The following SBF1 variants were observed in gnomAD, a reference collection of about 807,000 sequenced individuals.
SBF1 encodes myotubularin-related protein 5.
SBF1 carries 65 observed loss-of-function variants against 215.8 expected under a neutral mutation model. The ratio of observed to expected loss-of-function variants is 0.30; its 90% CI spans 0.25 to 0.37. The LOEUF (loss-of-function observed/expected upper bound fraction) is 0.37. SBF1 is among the 10% of genes least tolerant of loss of function. The pLI, the probability that SBF1 is intolerant of heterozygous loss-of-function variation, is 1.00. For synonymous variants in SBF1, 1,410 were observed against 1,122.8 expected (o/e 1.26, Z -5.11); for missense variants, 2,634 against 2,667.8 (o/e 0.99, Z 0.28).
Position 50,455,007 on chromosome 22 carries a change from C to G in SBF1, c.4681+9G>C, listed in dbSNP as rs776884857. On this transcript the variant is annotated intron_variant, in intron 34 of 40. Coordinates refer to ENST00000380817, the MANE Select transcript of SBF1 (RefSeq NM_002972.4). Reference sequence around the variant, plus strand: ...CCCGTGGCTGCCCCAGCCCCGACTCCCCACATACCCAGCTCAATGCGCTCA... The same window carrying G: ...CCCGTGGCTGCCCCAGCCCCGACTCGCCACATACCCAGCTCAATGCGCTCA... The G allele has an allele frequency of 5.6e-6, 9 of 1,614,092 alleles. No individual in the cohort carries two copies. In the Admixed American group the frequency reaches 8.3e-5, roughly 15 times the overall value.
intron 28 of SBF1, 47 bp downstream of exon 28, chr22:50,459,208 C>A: frequency 1.9e-6 from 3 of 1,564,094 alleles, no homozygotes; most frequent in Non-Finnish European, 2.6e-6. Flanking sequence ...GCCACCACGG[C>A]CCCCCAAAGT....
rs376341142 is a variant in SBF1, at chr22:50,446,980, G to A, written c.*162C>T. On this transcript the variant is annotated 3_prime_UTR_variant, in exon 41 of 41. Coordinates refer to ENST00000380817, the MANE Select transcript of SBF1 (RefSeq NM_002972.4). Reference sequence around the variant, plus strand: ...ACGCCAAAATAAGTTAGGGCCGGCCGGGCGGGGCGGGGCGGGGACGGGGGC... The same window carrying A: ...ACGCCAAAATAAGTTAGGGCCGGCCAGGCGGGGCGGGGCGGGGACGGGGGC... 3.3e-5 allele frequency: 24 copies of A among 719,832 alleles called. No individual in the cohort carries two copies. Among genetic ancestry groups the A allele is most frequent in the East Asian group, 1.1e-4 (4 of 36,938 alleles). 44.6% of individuals were successfully genotyped at this position (719,832 alleles called of 1,614,324 possible).
chr22:50,461,564 G>A lies in SBF1; in HGVS notation c.2798C>T (p.Thr933Met), dbSNP rs759317318. Residue 933 changes from threonine to methionine, a missense_variant, in exon 22 of 41, where the codon ACG becomes ATG. Thr to Met is a moderately conservative substitution (Grantham distance 81). Coordinates refer to ENST00000380817, the MANE Select transcript of SBF1 (RefSeq NM_002972.4). ...LPAEGAVFLT[T>M]YRVIFTGMPT... ...CATCCCCGTGAAGATGACCCGGTAC[G>A]TGGTGAGGAAGACGGCGCCCTCAGC... is the stretch of plus-strand genomic sequence containing the variant. 5 of 1,610,356 alleles carry A rather than the reference G, an allele frequency of 3.1e-6. No individual in the cohort carries two copies. The highest frequency in any genetic ancestry group is 2.2e-5 in the South Asian group (2 of 91,010).
At position 50,459,273 on chromosome 22, in the gene SBF1, C is replaced by A. The variant is rs200910134; in HGVS notation, c.3808G>T (p.Ala1270Ser). The A allele has an allele frequency of 1.2e-6, 2 of 1,606,096 alleles. No individual in the cohort carries two copies. The highest frequency in any genetic ancestry group is 1.7e-6 in the Non-Finnish European group (2 of 1,174,260). Residue 1270 changes from alanine to serine, a missense_variant, in exon 28 of 41, where the codon GCC (alanine) becomes TCC (serine). Transcript: ENST00000380817. Reference protein sequence around the residue: ...GRNTLSGFSSAHMGSHVPSPR... With the variant: ...GRNTLSGFSSSHMGSHVPSPR... The stretch of plus-strand genomic sequence containing the variant: ...CCCTCACCGTGACTGCCCATGTGGG[C>A]TGAGGAGAAGCCGCTAAGCGTGTTG...
intron 36 of SBF1, among the ~76,000 whole-genome samples, chr22:50,452,915 CACAGAGATGT>C: frequency 6.6e-6 from 1 of 151,698 alleles, no homozygotes; most frequent in South Asian, 2.1e-4. Context: ...TGAAACACAA[CACAGAGATGT>C]ACAGCTCAAC....
intron 30 of SBF1, 35 bp from the exon 31 acceptor site, chr22:50,456,430 TGAGGCCCCAAGCCCCCTGCC>T: frequency 6.3e-7 from 1 of 1,599,982 alleles, no homozygotes; most frequent in African/African-American, 1.4e-5. Flanking sequence ...GTGAGACACA[TGAGGCCCCAAGCCCCCTGCC>T]GAGCCCCCAC....
chr22:50,462,054 T>A lies in SBF1; in HGVS notation c.2462A>T (p.Asp821Val). 1 of 1,614,188 alleles carries A rather than the reference T, an allele frequency of 6.2e-7. No homozygotes were observed. Among genetic ancestry groups the A allele is most frequent in the Non-Finnish European group, 8.5e-7 (1 of 1,180,044 alleles). Reference protein sequence around the residue: ...ESGFEDAETCDVAGAVVRFIN... With the variant: ...ESGFEDAETCVVAGAVVRFIN... ...GAAGCGGACCACAGCCCCAGCTACG[T>A]CGCAGGTCTCTGCATCCTCGAAGCC... Residue 821 changes from aspartate to valine, a missense_variant, in exon 20 of 41, where the codon GAC becomes GTC. Coordinates refer to ENST00000380817, the MANE Select transcript of SBF1 (RefSeq NM_002972.4).
At position 50,455,492 on chromosome 22, in the gene SBF1, T is replaced by A; in HGVS notation, c.4357A>T (p.Ile1453Phe). The A allele has an allele frequency of 6.2e-7, 1 of 1,609,530 alleles. No individual in the cohort carries two copies. Among genetic ancestry groups the A allele is most frequent in the Non-Finnish European group, 8.5e-7 (1 of 1,178,278 alleles). The part of the protein sequence containing the change: ...VLVGLEDGWD[I>F]TTQVVSLVQL... ...CACGCGCCACACACCTGGGTGGTGA[T>A]GTCCCAGCCATCCTCCAGGCCCACC... The change falls in exon 32 of 41, where the codon ATC becomes TTC. Residue 1453 changes from isoleucine (I) to phenylalanine (F), a missense_variant. Coordinates refer to ENST00000380817, the MANE Select transcript of SBF1 (RefSeq NM_002972.4).
In SBF1 at chr22:50,463,018, T is replaced by C; in HGVS notation, c.1900-80A>G. ...CTCCCACCATGCCCCCACCACCCCA[T>C]AACCACCACAGACCAGCACCTGACA... On this transcript the variant is annotated intron_variant, in intron 16 of 40. Transcript: ENST00000380817. 3 of 1,357,190 alleles carry C rather than the reference T, an allele frequency of 2.2e-6. No individual in the cohort carries two copies. The South Asian group carries it at 3.7e-5, about 17-fold the overall frequency. 84.1% of individuals were successfully genotyped at this position (1,357,190 alleles called of 1,614,324 possible). A position where few individuals can be genotyped will look rare whatever the true frequency, so the allele number is the denominator to read the frequency against.
Position 50,449,625 on chromosome 22 carries a change from AACAC to A in SBF1, c.5044-979_5044-976del, listed in dbSNP as rs59541336. Reference sequence around the variant, plus strand: ...GTGAGATTCTGTCTCAAAACACACAAACACACACACACACACACACACACACACA... The same window carrying A: ...GTGAGATTCTGTCTCAAAACACACAAACACACACACACACACACACACACA... On this transcript the variant is annotated intron_variant, in intron 36 of 40. Coordinates refer to ENST00000380817, the MANE Select transcript of SBF1 (RefSeq NM_002972.4). Among the ~76,000 whole-genome samples the A allele has an allele frequency of 1.5e-3, 225 of 146,954 alleles. 1 individual carries two copies. The highest frequency in any genetic ancestry group is 7.1e-3 in the Middle Eastern group (2 of 282).
chr22:50,458,999 C>T (rs1445873717), intron 28 of SBF1, among the ~76,000 whole-genome samples: 2 of 152,178 alleles, frequency 1.3e-5, no homozygotes, highest in Non-Finnish European at 2.9e-5. Flanking sequence ...CTGCAGCAGA[C>T]GCAGAGGTGG....
chr22:50,468,032 G>A, intron 2 of SBF1, 109 bp from the exon 3 acceptor site: 1 of 1,376,392 alleles, frequency 7.3e-7, no homozygotes, highest in Non-Finnish European at 1.0e-6. Flanking sequence ...ACACACACAG[G>A]CAGCTCCTTG....
chr22:50,471,571 G>T (rs777020852), intron 1 of SBF1, among the ~76,000 whole-genome samples: 1 of 152,134 alleles, frequency 6.6e-6, no homozygotes, highest in Admixed American at 6.5e-5. Context: ...AGAAAAGAAG[G>T]AAGGACAGCA....
rs777513305 is a variant in SBF1, at chr22:50,447,600, C to T, written c.5373G>A (p.Glu1791=). 3 of 1,609,646 alleles carry T rather than the reference C, an allele frequency of 1.9e-6. No homozygotes were observed. The highest frequency in any genetic ancestry group is 1.3e-5 in the African/African-American group (1 of 74,754). Residue 1791 remains glutamate, a synonymous_variant, in exon 39 of 41, where the codon GAG becomes GAA. Transcript: ENST00000380817. The part of the protein sequence containing the change: ...QTAESENRSY[E]GTLYKKGAFM... Reference sequence around the variant, plus strand: ...AGGCCCCCTTCTTGTACAGAGTGCCCTCGTAGGACCTGCATTTCCAGCAGA... The same window carrying T: ...AGGCCCCCTTCTTGTACAGAGTGCCTTCGTAGGACCTGCATTTCCAGCAGA...
rs1294852344 is a variant in SBF1, at chr22:50,456,684, G to T, written c.3905-11C>A. 6.8e-7 allele frequency: 1 copy of T among 1,463,724 alleles called. No homozygotes were observed. Among genetic ancestry groups the T allele is most frequent in the Non-Finnish European group, 9.0e-7 (1 of 1,105,478 alleles). 90.7% of individuals were successfully genotyped at this position (1,463,724 alleles called of 1,614,324 possible). A position where few individuals can be genotyped will look rare whatever the true frequency, so the allele number is the denominator to read the frequency against. On this transcript the variant is annotated splice_polypyrimidine_tract_variant and intron_variant, in intron 29 of 40. Transcript: ENST00000380817. ...CACTGCCCCACTTACCTGTGAAGGAGATGCCAGGTAAGCACCCAAAGGGGG... is the reference window on the plus strand; with the variant it reads ...CACTGCCCCACTTACCTGTGAAGGATATGCCAGGTAAGCACCCAAAGGGGG...
Position 50,446,753 on chromosome 22 carries a change from TG to T in SBF1, c.*388del. The T allele has an allele frequency of 3.9e-6, 2 of 512,090 alleles. No individual in the cohort carries two copies. 31.7% of individuals were successfully genotyped at this position (512,090 alleles called of 1,614,324 possible). On this transcript the variant is annotated 3_prime_UTR_variant, in exon 41 of 41. Coordinates refer to ENST00000380817, the MANE Select transcript of SBF1 (RefSeq NM_002972.4). ...CTGGATAGGGGCAGATGGGACCCTC[TG>T]GGTAGGCCGAGAGCAGGCAGCCGGG...
In SBF1 at chr22:50,462,252, G is replaced by A. The variant is rs752682059; in HGVS notation, c.2349C>T (p.Ala783=). ...SSKSRLLRER[A]GLGDLESASN... ...TGGCGCTCTCCAGGTCGCCCAGCCCGGCACGCTCCCGAAGTAGGCGGCTCT... is the reference window on the plus strand; with the variant it reads ...TGGCGCTCTCCAGGTCGCCCAGCCCAGCACGCTCCCGAAGTAGGCGGCTCT... Residue 783 remains alanine (A), a synonymous_variant, in exon 19 of 41, where the codon GCC becomes GCT. Transcript: ENST00000380817. 24 of 1,609,866 alleles carry A rather than the reference G, an allele frequency of 1.5e-5. No homozygotes were observed. Among genetic ancestry groups the A allele is most frequent in the East Asian group, 6.7e-5 (3 of 44,894 alleles).
intron 22 of SBF1, 104 bp from the exon 23 acceptor site, chr22:50,461,390 G>A (rs2067505116): frequency 6.6e-7 from 1 of 1,508,376 alleles, no homozygotes; most frequent in Non-Finnish European, 8.9e-7. Context: ...GGGTGGGGAA[G>A]GAGCAGACAA....
At position 50,468,428 on chromosome 22, in the gene SBF1, C is replaced by T. The variant is rs750756200; in HGVS notation, c.89G>A (p.Arg30His). The change falls in exon 2 of 41, where the codon CGC (arginine) becomes CAC (histidine). Residue 30 changes from arginine to histidine, a missense_variant. Transcript: ENST00000380817. ...GTCCTCCCAGTCCTTCTCTGGGAAG[C>T]GCTGCAGAATCTGGCCCTGGCCTTC... ...SGEGQGQILQRFPEKDWEDNP... is the reference protein window; with the variant it reads ...SGEGQGQILQHFPEKDWEDNP... 1.1e-5 allele frequency: 18 copies of T among 1,611,936 alleles called. No individual in the cohort carries two copies. Among genetic ancestry groups the T allele is most frequent in the Non-Finnish European group, 1.4e-5 (17 of 1,179,010 alleles).
Sources: gnomAD v4.1 joint callset for allele counts (sites outside exome capture counted in the v4.1 genomes callset) on GRCh38, gnomAD v4.1.1 for gene constraint, MANE v1.5 for transcripts, NCBI Gene and HGNC (gene_info 2026-07-23, HGNC 2026-07-21) for gene names.